Variants in CTR9 observed in about 807,000 individuals in gnomAD.
CTR9 encodes CTR9 component of Paf1/RNA polymerase II complex.
In CTR9, 41 loss-of-function variants were observed where a neutral mutation model predicts 152.1. The ratio of observed to expected loss-of-function variants is 0.27; its 90% CI spans 0.21 to 0.35. The LOEUF is 0.35. Among genes scored for constraint, CTR9 ranks in the 10% least tolerant of loss-of-function variants. The pLI is 1.00. For synonymous variants in CTR9, 476 were observed against 496.2 expected (o/e 0.96, Z 0.54); for missense variants, 917 against 1,424.4 (o/e 0.64, Z 5.73).
rs367865574 is a variant in CTR9 at position 10,764,308 on chromosome 11, G to A, written c.1285G>A (p.Gly429Ser). The change falls in exon 11 of 25, where the codon GGT becomes AGT. Residue 429 changes from glycine (G) to serine (S), a missense_variant and splice_region_variant. Gly to Ser is a moderately conservative substitution (Grantham distance 56). Transcript: ENST00000361367. Reference sequence around the variant, plus strand: ...TTTTCTGTCAATCATGAAAATACAGGGTGCCCTTTCAGCCTATGGAACAGC... The same window carrying A: ...TTTTCTGTCAATCATGAAAATACAGAGTGCCCTTTCAGCCTATGGAACAGC... ...AQILEQTDIQ[G>S]ALSAYGTATR... is the part of the protein sequence containing the mutation. 58 of 1,613,766 alleles carry A rather than the reference G, an allele frequency of 3.6e-5. No individual in the cohort carries two copies. Among genetic ancestry groups the A allele is most frequent in the Non-Finnish European group, 8.5e-6 (10 of 1,179,956 alleles).
chr11:10,763,231 C>G (rs900172160), intron 7 of CTR9, among the ~76,000 whole-genome samples, 200 bp from the exon 8 acceptor site: 1 of 146,802 alleles, frequency 6.8e-6, no homozygotes, highest in Non-Finnish European at 1.5e-5. Context: ...CAGTGCTTTA[C>G]TCTTTCTGGC....
chr11:10,776,677 A>G (rs1863239938), intron 24 of CTR9, among the ~76,000 whole-genome samples: 1 of 152,194 alleles, frequency 6.6e-6, no homozygotes, highest in Non-Finnish European at 1.5e-5. Flanking sequence ...CAGATAAACC[A>G]AAACCATGTT....
chr11:10,751,437 C>T lies in CTR9; in HGVS notation c.25C>T (p.Pro9Ser). 1 of 1,613,650 alleles carries T rather than the reference C, an allele frequency of 6.2e-7. No individual in the cohort carries two copies. Among genetic ancestry groups the T allele is most frequent in the Non-Finnish European group, 8.5e-7 (1 of 1,180,014 alleles). The change falls in exon 1 of 25, where the codon CCC (proline) becomes TCC (serine). Residue 9 changes from proline to serine, a missense_variant. Transcript: ENST00000361367. MSRGSIEI[P>S]LRDTDEVIEL... ...CATGTCGCGGGGCTCCATCGAGATT[C>T]CCCTCCGGGACACTGACGAGGTAAG...
In CTR9 at chr11:10,778,858, G is replaced by A. The variant is rs778456303; in HGVS notation, c.3275G>A (p.Arg1092Lys). The change falls in exon 25 of 25, where the codon AGA (arginine) becomes AAA (lysine). Residue 1092 changes from arginine to lysine, a missense_variant. Arg to Lys is a conservative substitution (Grantham distance 26, BLOSUM62 2). Coordinates refer to ENST00000361367, the MANE Select transcript of CTR9 (RefSeq NM_014633.5). ...GACTCAGACAGTGACCAGCCATCCAGAAAGAGAAGGCCCTCCGGTTCTGAG... is the reference window on the plus strand; with the variant it reads ...GACTCAGACAGTGACCAGCCATCCAAAAAGAGAAGGCCCTCCGGTTCTGAG... ...DQDSDSDQPSRKRRPSGSEQS... is the reference protein window; with the variant it reads ...DQDSDSDQPSKKRRPSGSEQS... 5.6e-6 allele frequency: 9 copies of A among 1,614,224 alleles called. No individual in the cohort carries two copies. The highest frequency in any genetic ancestry group is 7.6e-6 in the Non-Finnish European group (9 of 1,180,040).
chr11:10,766,067 T>G (rs1022721744), intron 12 of CTR9, among the ~76,000 whole-genome samples: 1 of 152,144 alleles, frequency 6.6e-6, no homozygotes, highest in Non-Finnish European at 1.5e-5. Context: ...TAAAAAAAGG[T>G]AACTGACAAT....
At chr11:10,771,462 G>A in intron 18 of CTR9, 83 bp from the exon 19 acceptor site, 2 of 1,009,092 alleles carry the variant, frequency 2.0e-6, no homozygotes, top group African/African-American at 1.6e-5. Context: ...CTCAGACTTT[G>A]TAGCACAGAT....
In CTR9 at chr11:10,751,319, C is replaced by A; in HGVS notation, c.-94C>A. 7.4e-7 allele frequency: 1 copy of A among 1,349,950 alleles called. No homozygotes were observed. The highest frequency in any genetic ancestry group is 1.2e-5 in the South Asian group (1 of 85,124). The allele number at this position is 1,349,950 out of a possible 1,614,324, so 83.6% of individuals were successfully genotyped here. A position where few individuals can be genotyped will look rare whatever the true frequency, so the allele number is the denominator to read the frequency against. On this transcript the variant is annotated 5_prime_UTR_variant, in exon 1 of 25. Coordinates refer to ENST00000361367, the MANE Select transcript of CTR9 (RefSeq NM_014633.5). ...CGCGGGGCGGCAGTCAAGACCAGAG[C>A]CGGAGCCGTCACTCACCTCTGGATT...
At chr11:10,752,144 T>C (rs1323323920) in intron 1 of CTR9, among the ~76,000 whole-genome samples, 1 of 152,250 alleles carries the variant, frequency 6.6e-6, no homozygotes, top group Admixed American at 6.5e-5. Context: ...CAGTGGTTTT[T>C]AGTGTATTCG....
chr11:10,759,703 G>A (rs1168902409), intron 5 of CTR9, among the ~76,000 whole-genome samples: 1 of 152,238 alleles, frequency 6.6e-6, no homozygotes, highest in East Asian at 1.9e-4. Context: ...CTAGTGACCA[G>A]TATGGTGATT....
chr11:10,775,982 T>C (rs1863227901), intron 24 of CTR9, among the ~76,000 whole-genome samples: 1 of 152,224 alleles, frequency 6.6e-6, no homozygotes, highest in Non-Finnish European at 1.5e-5. Context: ...AAATGAAATG[T>C]ATCATTTTGC....
chr11:10,771,450 T>G, intron 18 of CTR9, 95 bp from the exon 19 acceptor site: 1 of 866,592 alleles, frequency 1.2e-6, no homozygotes, highest in South Asian at 1.6e-5. Context: ...TGCAAACCTT[T>G]TCTCAGACTT....
chr11:10,765,145 C>T (rs78749458), intron 12 of CTR9, among the ~76,000 whole-genome samples: 8,423 of 152,120 alleles, frequency 0.055, 389 homozygotes, highest in East Asian at 0.19. Context: ...ATTTGAGTTT[C>T]GCAACCTATA....
At chr11:10,760,362 T>C (rs1862957472) in intron 6 of CTR9, 41 bp downstream of exon 6, 2 of 1,580,710 alleles carry the variant, frequency 1.3e-6, no homozygotes, top group East Asian at 4.5e-5. Flanking sequence ...AACTGCTTTG[T>C]CAGGCCCACA....
chr11:10,770,395 G>C, intron 17 of CTR9, 69 bp downstream of exon 17: 1 of 1,568,422 alleles, frequency 6.4e-7, no homozygotes, highest in Non-Finnish European at 8.8e-7. Flanking sequence ...TTCGTGATGC[G>C]TGTTCACATA....
intron 24 of CTR9, 72 bp downstream of exon 24, chr11:10,775,705 C>A: frequency 1.0e-6 from 1 of 956,590 alleles, no homozygotes; most frequent in Non-Finnish European, 1.6e-6. Flanking sequence ...ATCAGCCTGT[C>A]TGTACTAAGA....
At chr11:10,764,225 C>G (rs778238220) in intron 10 of CTR9, 24 bp downstream of exon 10, 4 of 1,613,000 alleles carry the variant, frequency 2.5e-6, no homozygotes, top group Non-Finnish European at 3.4e-6. Flanking sequence ...GTTTTTTAAT[C>G]TCTCATATGA....
In CTR9 at chr11:10,764,582, C is replaced by G. The variant is rs536618493; in HGVS notation, c.1448C>G (p.Ala483Gly). The G allele has an allele frequency of 1.2e-6, 2 of 1,611,934 alleles. No homozygotes were observed. The highest frequency in any genetic ancestry group is 2.7e-5 in the African/African-American group (2 of 74,856). ...YFLASLDRAKAEAEHDEHYYN... is the reference protein window; with the variant it reads ...YFLASLDRAKGEAEHDEHYYN... The stretch of plus-strand genomic sequence containing the variant: ...TTGGCGTCATTGGACCGTGCAAAAG[C>G]AGAAGCGGAACACGATGAGCATTAC... The change falls in exon 12 of 25, where the codon GCA becomes GGA. Residue 483 changes from alanine (A) to glycine (G), a missense_variant. This residue lies in a region of CTR9 where 133 missense variants were observed against 244.1 expected (regional missense o/e 0.54). Transcript: ENST00000361367.
intron 16 of CTR9, among the ~76,000 whole-genome samples, chr11:10,769,349 A>C (rs1005713167): frequency 7.2e-5 from 11 of 152,252 alleles, no homozygotes; most frequent in Non-Finnish European, 2.9e-5. Flanking sequence ...TAAAATTAAA[A>C]AGTAAAAAGG....
chr11:10,751,586 C>T (rs139012997), intron 1 of CTR9, 129 bp downstream of exon 1: 28 of 896,858 alleles, frequency 3.1e-5, no homozygotes, highest in Middle Eastern at 4.7e-4. Context: ...AATACCTGGC[C>T]AAGGTCTGAT....
Sources: gnomAD v4.1 joint callset for allele counts (sites outside exome capture counted in the v4.1 genomes callset) on GRCh38, gnomAD v4.1.1 for gene constraint, gnomAD v4.1.1 regional missense constraint, MANE v1.5 for transcripts, NCBI Gene and HGNC (gene_info 2026-07-23, HGNC 2026-07-21) for gene names.